PRPF8: variants seen among roughly 807,000 people sequenced by gnomAD.
PRPF8 encodes the protein pre-mRNA processing factor 8, also known as pre-mRNA-processing-splicing factor 8.
Under a neutral mutation model 285.9 loss-of-function variants are expected in PRPF8, and 64 were observed. The observed-to-expected ratio is 0.22, with a 90% confidence interval of 0.18 to 0.28. PRPF8 has a LOEUF of 0.28. Ranked by LOEUF, PRPF8 falls within the 10% of genes least tolerant of loss-of-function variation. The pLI is 1.00. For synonymous variants in PRPF8, 1,325 were observed against 1,118.2 expected (o/e 1.18, Z -3.69); for missense variants, 1,426 against 3,026.7 (o/e 0.47, Z 12.41).
At chr17:1,663,710 CAAAAAAAAAAAAAA>C (rs58454297) in intron 24 of PRPF8, among the ~76,000 whole-genome samples, 2 of 17,092 alleles carry the variant, frequency 1.2e-4, no homozygotes, top group Non-Finnish European at 2.4e-4. Context: ...GACTCCATCT[CAAAAAAAAAAAAAA>C]AAAAAAAAAA....
At position 1,681,898 on chromosome 17, in the gene PRPF8, T is replaced by C; in HGVS notation, c.575A>G (p.Gln192Arg). ...GTCCTCCTCAGGGTCCAGCTCTAGC[T>C]GAATGGCCTCCAGTGGCTCAACATC... ...ILDVEPLEAI[Q>R]LELDPEEDAP... The change falls in exon 5 of 43, where the codon CAG becomes CGG. Residue 192 changes from glutamine (Q) to arginine (R), a missense_variant. By Grantham distance (43) the Gln-to-Arg change is conservative. Coordinates refer to ENST00000304992, the MANE Select transcript of PRPF8 (RefSeq NM_006445.4). 6.2e-7 allele frequency: 1 copy of C among 1,614,008 alleles called. No individual in the cohort carries two copies. The highest frequency in any genetic ancestry group is 8.5e-7 in the Non-Finnish European group (1 of 1,179,994).
intron 24 of PRPF8, among the ~76,000 whole-genome samples, chr17:1,664,080 G>C (rs1332712395): frequency 6.6e-6 from 1 of 152,166 alleles, no homozygotes; most frequent in African/African-American, 2.4e-5. Context: ...GCCCAGGCTA[G>C]AGTGCAATGG....
chr17:1,663,592 TCA>T (rs1911791802), intron 24 of PRPF8, among the ~76,000 whole-genome samples: 1 of 150,818 alleles, frequency 6.6e-6, no homozygotes, highest in South Asian at 2.1e-4. Context: ...GCCTGTAGTC[TCA>T]GTTTCTTGGG....
chr17:1,662,972 G>T (rs1317820312), intron 24 of PRPF8, among the ~76,000 whole-genome samples: 1 of 151,720 alleles, frequency 6.6e-6, no homozygotes, highest in Non-Finnish European at 1.5e-5. Context: ...TTCTACAAAA[G>T]ATAAAGGCTG....
chr17:1,678,950 A>G (rs1354283162), intron 11 of PRPF8, 67 bp downstream of exon 11: 2 of 1,613,758 alleles, frequency 1.2e-6, no homozygotes, highest in Non-Finnish European at 1.7e-6. Context: ...TGCCTTCATC[A>G]GTAACCAGAG....
At position 1,679,257 on chromosome 17, in the gene PRPF8, C is replaced by T. The variant is rs1370613748; in HGVS notation, c.1409+34G>A. On this transcript the variant is annotated intron_variant, in intron 10 of 42. Coordinates refer to ENST00000304992, the MANE Select transcript of PRPF8 (RefSeq NM_006445.4). This position sits in a 1 kb window ranked among gnomAD's most constrained non-coding sequence, Gnocchi z 4.7. ...AGTCAGCCTACTGATATCTCTGGAA[C>T]AGAAGTCTGCGCAGGGCCCCTGGGG... The T allele has an allele frequency of 6.2e-7, 1 of 1,614,194 alleles. No homozygotes were observed. Among genetic ancestry groups the T allele is most frequent in the African/African-American group, 1.3e-5 (1 of 75,048 alleles).
Position 1,678,754 on chromosome 17 carries a change from A to G in PRPF8, c.1719+8T>C, listed in dbSNP as rs1331455416. 5.0e-6 allele frequency: 8 copies of G among 1,614,036 alleles called. No homozygotes were observed. Among genetic ancestry groups the G allele is most frequent in the Non-Finnish European group, 6.8e-6 (8 of 1,180,034 alleles). On this transcript the variant is annotated splice_region_variant and intron_variant, in intron 12 of 42. Coordinates refer to ENST00000304992, the MANE Select transcript of PRPF8 (RefSeq NM_006445.4). ...ACCCAGGCAGGGGTTGGGAATACCT[A>G]ACCTTACCTGGAAGGCATCCACATT...
At chr17:1,654,085 G>A (rs1911218437) in intron 37 of PRPF8, 69 bp from the exon 38 acceptor site, 1 of 1,611,074 alleles carries the variant, frequency 6.2e-7, no homozygotes, top group South Asian at 1.1e-5. Flanking sequence ...CAATGGAAAG[G>A]GTGTAACTTG....
chr17:1,675,556 G>C lies in PRPF8; in HGVS notation c.2872+64C>G, dbSNP rs1400650389. The C allele has an allele frequency of 2.5e-6, 4 of 1,599,182 alleles. No individual in the cohort carries two copies. The East Asian group carries it at 6.7e-5, about 27-fold the overall frequency. On this transcript the variant is annotated intron_variant, in intron 19 of 42. Coordinates refer to ENST00000304992, the MANE Select transcript of PRPF8 (RefSeq NM_006445.4). The surrounding 1 kb of genome is among the most constrained non-coding windows in gnomAD (Gnocchi z 6.0). ...TAAACCAATCATGCTACCCAGATGA[G>C]ATTTTTGACGTAGAACTAAATTCCT...
intron 24 of PRPF8, among the ~76,000 whole-genome samples, chr17:1,666,498 C>T (rs1017002878): frequency 6.6e-6 from 1 of 150,868 alleles, no homozygotes. Flanking sequence ...TTACAGTGAG[C>T]TGAGACTGCG....
chr17:1,677,815 G>T, intron 13 of PRPF8, 121 bp from the exon 14 acceptor site: 1 of 1,299,528 alleles, frequency 7.7e-7, no homozygotes, highest in Non-Finnish European at 1.1e-6. Context: ...AGGTATGGCA[G>T]TAGAGGGGTA....
intron 24 of PRPF8, among the ~76,000 whole-genome samples, chr17:1,668,651 C>T (rs1256534403): frequency 2.0e-5 from 3 of 152,138 alleles, no homozygotes; most frequent in South Asian, 2.1e-4. Context: ...TATGAGCCAC[C>T]GCGGCCGGCT....
chr17:1,665,989 G>C (rs1911956571), intron 24 of PRPF8, among the ~76,000 whole-genome samples: 1 of 34,984 alleles, frequency 2.9e-5, no homozygotes, highest in Admixed American at 3.2e-4. Flanking sequence ...CGGTGAAACC[G>C]CGTCGTAGTA....
At chr17:1,680,591 T>G in intron 8 of PRPF8, 135 bp downstream of exon 8, 1 of 808,278 alleles carries the variant, frequency 1.2e-6, no homozygotes, top group Non-Finnish European at 2.1e-6. Flanking sequence ...AATTCTCATA[T>G]TCGCTTATAG....
intron 36 of PRPF8, 33 bp downstream of exon 36, chr17:1,656,359 C>T: frequency 6.2e-7 from 1 of 1,613,994 alleles, no homozygotes; most frequent in Admixed American, 1.7e-5. Flanking sequence ...ACCCGCTCCT[C>T]CTCCAGCGAT....
At chr17:1,682,723 A>G (rs1913003170) in intron 3 of PRPF8, among the ~76,000 whole-genome samples, 2 of 152,250 alleles carry the variant, frequency 1.3e-5, no homozygotes, top group Non-Finnish European at 2.9e-5. Flanking sequence ...CCCAGCAGCC[A>G]GCACAGTTCT....
chr17:1,683,284 C>T (rs531197478), intron 3 of PRPF8: 13 of 542,712 alleles, frequency 2.4e-5, no homozygotes, highest in African/African-American at 7.6e-5. Context: ...CATGAGCCAC[C>T]GCGCCTGGCC....
chr17:1,680,506 A>G lies in PRPF8; in HGVS notation c.1098+220T>C, dbSNP rs1912855206. The G allele has an allele frequency of 4.9e-6, 3 of 615,520 alleles. No homozygotes were observed. In the East Asian group the frequency reaches 8.4e-5, roughly 17 times the overall value. 38.1% of individuals were successfully genotyped at this position (615,520 alleles called of 1,614,324 possible). A position where few individuals can be genotyped will look rare whatever the true frequency, so the allele number is the denominator to read the frequency against. ...GACAGATTATCTAGAGCACCCAAGAAAAGAACCGTAAAGTCCAAAAGGATA... is the reference window on the plus strand; with the variant it reads ...GACAGATTATCTAGAGCACCCAAGAGAAGAACCGTAAAGTCCAAAAGGATA... On this transcript the variant is annotated intron_variant, in intron 8 of 42. Coordinates refer to ENST00000304992, the MANE Select transcript of PRPF8 (RefSeq NM_006445.4).
At chr17:1,668,324 T>TC (rs1446326422) in intron 24 of PRPF8, among the ~76,000 whole-genome samples, 1 of 148,204 alleles carries the variant, frequency 6.7e-6, no homozygotes, top group Non-Finnish European at 1.5e-5. Flanking sequence ...TCCTCTCCCC[T>TC]CTTCCAGTAT....
Sources: gnomAD v4.1 joint callset for allele counts (sites outside exome capture counted in the v4.1 genomes callset) on GRCh38, gnomAD v4.1.1 for gene constraint, Gnocchi (gnomAD v3.1) non-coding constraint, MANE v1.5 for transcripts, NCBI Gene and HGNC (gene_info 2026-07-23, HGNC 2026-07-21) for gene names.